CEP120: variants seen among roughly 807,000 people sequenced by gnomAD.
CEP120 encodes the protein centrosomal protein of 120 kDa.
A neutral mutation model predicts 126.5 loss-of-function variants in CEP120; 113 were observed. The ratio of observed to expected loss-of-function variants is 0.89; its 90% CI spans 0.77 to 1.04. The LOEUF is 1.04. Ranked by LOEUF, CEP120 falls within the 50% of genes least tolerant of loss-of-function variation. The pLI is 0.00. For synonymous variants in CEP120, 400 were observed against 394.3 expected (o/e 1.01, Z -0.17); for missense variants, 1,230 against 1,155.7 (o/e 1.06, Z -0.93).
chr5:123,393,435 T>A lies in CEP120; in HGVS notation c.675A>T (p.Leu225Phe). The A allele has an allele frequency of 6.2e-7, 1 of 1,614,090 alleles. No individual in the cohort carries two copies. The highest frequency in any genetic ancestry group is 1.1e-5 in the South Asian group (1 of 91,074). Residue 225 changes from leucine (L) to phenylalanine (F), a missense_variant, in exon 6 of 20, where the codon TTA becomes TTT. Transcript: ENST00000306467. ...RQPEFFFYYS[L>F]LGNDVTNEPF... ...GTTCATTTGTAACATCATTTCCCAG[T>A]AAAGAGTAGTAAAAGAAAAACTCAG...
At chr5:123,350,199 C>T in intron 18 of CEP120, 110 bp from the exon 19 acceptor site, 1 of 931,184 alleles carries the variant, frequency 1.1e-6, no homozygotes. Flanking sequence ...GATATAGCCA[C>T]ACACTGCCAA....
intron 4 of CEP120, among the ~76,000 whole-genome samples, chr5:123,402,994 T>C (rs1773370139): frequency 6.6e-6 from 1 of 152,248 alleles, no homozygotes; most frequent in South Asian, 2.1e-4. Flanking sequence ...GCCTTGATCT[T>C]GAACTTCCCA....
intron 10 of CEP120, among the ~76,000 whole-genome samples, chr5:123,385,436 C>G (rs1458419559): frequency 1.3e-5 from 2 of 152,116 alleles, no homozygotes; most frequent in African/African-American, 4.8e-5. Flanking sequence ...GTATTCAGTA[C>G]AGTCACATGC....
At chr5:123,404,568 A>G (rs1773519840) in intron 4 of CEP120, among the ~76,000 whole-genome samples, 1 of 152,230 alleles carries the variant, frequency 6.6e-6, no homozygotes, top group Non-Finnish European at 1.5e-5. Context: ...CGAAAAGGCC[A>G]AAAGGAAGTT....
At position 123,377,484 on chromosome 5, in the gene CEP120, C is replaced by G; in HGVS notation, c.2248G>C (p.Glu750Gln). Residue 750 changes from glutamate (E) to glutamine (Q), a missense_variant, in exon 16 of 20, where the codon GAA becomes CAA. Transcript: ENST00000306467. ...GCCCTACGGATAGAGTCCTGCAGTT[C>G]TTGCAGGTTCCGCTGACGTTCTGAT... ...LQSERQRNLQ[E>Q]LQDSIRRAKE... 1 of 1,601,392 alleles carries G rather than the reference C, an allele frequency of 6.2e-7. No homozygotes were observed. The highest frequency in any genetic ancestry group is 8.5e-7 in the Non-Finnish European group (1 of 1,177,072).
At chr5:123,418,657 C>T (rs1374790227) in intron 1 of CEP120, 142 bp from the exon 2 acceptor site, 5 of 639,778 alleles carry the variant, frequency 7.8e-6, no homozygotes, top group Admixed American at 7.2e-5. Context: ...AGTTCAGTAG[C>T]GCAATCTCAG....
Position 123,393,471 on chromosome 5 carries a change from T to C in CEP120, c.639A>G (p.Pro213=). The change falls in exon 6 of 20, where the codon CCA becomes CCG. Residue 213 remains proline (P), a synonymous_variant. Coordinates refer to ENST00000306467, the MANE Select transcript of CEP120 (RefSeq NM_001375405.1). ...AAAAGAAAAACTCAGGCTGTCTTTC[T>C]GGAAGTTTCATGGTACATGGAATTA... ...EQLIPCTMKL[P]ERQPEFFFYY... 6.2e-7 allele frequency: 1 copy of C among 1,614,028 alleles called. No individual in the cohort carries two copies. Among genetic ancestry groups the C allele is most frequent in the Non-Finnish European group, 8.5e-7 (1 of 1,179,918 alleles).
chr5:123,393,148 AG>A (rs1772516972), intron 6 of CEP120, 151 bp downstream of exon 6: 1 of 666,550 alleles, frequency 1.5e-6, no homozygotes, highest in African/African-American at 1.8e-5. Context: ...GACTCAGGAT[AG>A]TACCTAAAAA....
chr5:123,411,295 C>T (rs1774041536), intron 4 of CEP120, among the ~76,000 whole-genome samples: 1 of 152,204 alleles, frequency 6.6e-6, no homozygotes, highest in South Asian at 2.1e-4. Context: ...ACTAAACATA[C>T]TCTTACCACA....
At chr5:123,419,090 T>C (rs1580748459) in intron 1 of CEP120, among the ~76,000 whole-genome samples, 1 of 152,138 alleles carries the variant, frequency 6.6e-6, no homozygotes, top group East Asian at 1.9e-4. Context: ...AAAATGTAGA[T>C]TTTGACTCAG....
At chr5:123,393,872 CTA>C (rs1772575152) in intron 5 of CEP120, among the ~76,000 whole-genome samples, 2 of 152,136 alleles carry the variant, frequency 1.3e-5, no homozygotes, top group African/African-American at 4.8e-5. Context: ...ATCAGAGGCT[CTA>C]TGTTATGAAT....
chr5:123,348,986 A>G (rs1390347160), intron 19 of CEP120, among the ~76,000 whole-genome samples: 1 of 152,116 alleles, frequency 6.6e-6, no homozygotes, highest in Non-Finnish European at 1.5e-5. Flanking sequence ...TAACCAGTCC[A>G]AGTTAACTAA....
At chr5:123,399,073 G>T in intron 5 of CEP120, 63 bp downstream of exon 5, 1 of 1,273,832 alleles carries the variant, frequency 7.9e-7, no homozygotes, top group Non-Finnish European at 1.0e-6. Flanking sequence ...ATACCTGAAA[G>T]GTAAAATGTT....
rs1162049612 is a variant in CEP120, at chr5:123,402,061, T to A, written c.464-2777A>T. 1.5e-5 allele frequency: 24 copies of A among 1,591,938 alleles called. No homozygotes were observed. In the South Asian group the frequency reaches 2.1e-4, roughly 14 times the overall value. On this transcript the variant is annotated intron_variant, in intron 4 of 19. Transcript: ENST00000306467. ...GCAAACTTGTTGTTGAGGGTCTTGA[T>A]CTGCTCCTTCTCCTGGGTGCACACA...
Position 123,423,306 on chromosome 5 carries a change from T to G in CEP120, c.-308A>C. The G allele has an allele frequency of 2.6e-6, 1 of 378,768 alleles. No homozygotes were observed. Among genetic ancestry groups the G allele is most frequent in the East Asian group, 4.9e-5 (1 of 20,610 alleles). The allele number at this position is 378,768 out of a possible 1,614,324, so 23.5% of individuals were successfully genotyped here. On this transcript the variant is annotated 5_prime_UTR_variant, in exon 1 of 20. Coordinates refer to ENST00000306467, the MANE Select transcript of CEP120 (RefSeq NM_001375405.1). The stretch of plus-strand genomic sequence containing the variant: ...CTTTTGCCGCCTGCGTAGCCGCTTT[T>G]CAAACGCCCGGGCGGCCGCAGCGGC...
Position 123,372,726 on chromosome 5 carries a change from T to A in CEP120, c.2405A>T (p.Gln802Leu). The change falls in exon 17 of 20, where the codon CAA becomes CTA. Residue 802 changes from glutamine to leucine, a missense_variant. Physicochemically the swap from Gln to Leu is moderately radical, Grantham distance 113 (BLOSUM62 -2). Coordinates refer to ENST00000306467, the MANE Select transcript of CEP120 (RefSeq NM_001375405.1). ...GTTGTTTTGCTGGTCCTTGAACTGT[T>A]GGAACTCTTTTTCCAAAATCTTATA... ...NKYKILEKEF[Q>L]QFKDQQNNKP... 6.2e-7 allele frequency: 1 copy of A among 1,608,734 alleles called. No individual in the cohort carries two copies. The highest frequency in any genetic ancestry group is 2.2e-5 in the East Asian group (1 of 44,654).
chr5:123,403,284 T>C (rs1007933617), intron 4 of CEP120: 5 of 455,966 alleles, frequency 1.1e-5, no homozygotes, highest in Non-Finnish European at 2.2e-5. Context: ...CTTAGAGAAA[T>C]GGCTGAATCC....
intron 6 of CEP120, among the ~76,000 whole-genome samples, chr5:123,392,059 T>C (rs1350632249): frequency 6.6e-6 from 1 of 152,154 alleles, no homozygotes. Flanking sequence ...GAATAATAAA[T>C]AAGCAATCAT....
intron 4 of CEP120, among the ~76,000 whole-genome samples, chr5:123,404,976 T>C (rs1029580970): frequency 2.6e-5 from 4 of 152,132 alleles, no homozygotes; most frequent in Non-Finnish European, 4.4e-5. Context: ...TAAAAGAAAA[T>C]AGGGACTGTA....
Sources: gnomAD v4.1 joint callset for allele counts (sites outside exome capture counted in the v4.1 genomes callset) on GRCh38, gnomAD v4.1.1 for gene constraint, MANE v1.5 for transcripts, NCBI Gene and HGNC (gene_info 2026-07-23, HGNC 2026-07-21) for gene names.